The following QSER1 variants were observed in gnomAD, a reference collection of about 807,000 sequenced individuals.
QSER1 encodes the protein glutamine and serine rich 1.
QSER1 carries 49 observed loss-of-function variants against 158.5 expected under a neutral mutation model. The ratio of observed to expected loss-of-function variants is 0.31; its 90% CI spans 0.25 to 0.39. QSER1 has a LOEUF of 0.39. Among genes scored for constraint, QSER1 ranks in the 10% least tolerant of loss-of-function variants. QSER1 has a pLI of 1.00. For synonymous variants in QSER1, 650 were observed against 715.5 expected (o/e 0.91, Z 1.46); for missense variants, 1,754 against 2,010.3 (o/e 0.87, Z 2.44).
rs780002179 is a variant in QSER1 at position 32,957,923 on chromosome 11, A to C, written c.4806A>C (p.Ser1602=). Residue 1602 remains serine, a synonymous_variant, in exon 8 of 13, where the codon TCA becomes TCC. Coordinates refer to ENST00000650167, the MANE Select transcript of QSER1 (RefSeq NM_001076786.3). ...GTAAAACTTCTGATCCTCTAGCATCAAAAACTACAACTACAAAAGCCCCTT... is the reference window on the plus strand; with the variant it reads ...GTAAAACTTCTGATCCTCTAGCATCCAAAACTACAACTACAAAAGCCCCTT... ...SSSKTSDPLA[S]KTTTTKAPSV... 10 of 1,614,152 alleles carry C rather than the reference A, an allele frequency of 6.2e-6. No homozygotes were observed. The highest frequency in any genetic ancestry group is 7.6e-6 in the Non-Finnish European group (9 of 1,179,986).
chr11:32,897,441 C>A (rs1381900073), intron 1 of QSER1, among the ~76,000 whole-genome samples: 1 of 152,188 alleles, frequency 6.6e-6, no homozygotes, highest in Non-Finnish European at 1.5e-5. Flanking sequence ...TTTAAGTGTT[C>A]TTTGTCACCG....
rs1428216523 is a variant in QSER1, at chr11:32,976,475, C to T, written c.*1C>T. 6.2e-7 allele frequency: 1 copy of T among 1,609,084 alleles called. No homozygotes were observed. The highest frequency in any genetic ancestry group is 1.1e-5 in the South Asian group (1 of 89,864). On this transcript the variant is annotated 3_prime_UTR_variant, in exon 13 of 13. Transcript: ENST00000650167. ...TCATGTACAGCAGAAATGTTCCTGA[C>T]TTTTCCACAAAAATCCCATCTTTTT...
rs539617431 is a variant in QSER1, at chr11:32,907,382, A to AT, written c.209+14053dup. On this transcript the variant is annotated intron_variant, in intron 1 of 12. Coordinates refer to ENST00000650167, the MANE Select transcript of QSER1 (RefSeq NM_001076786.3). ...TTCAGATGTGAATTGTGATAAATGT[A>AT]TTTTTGGACAGATTTCCTTTATCTA... 2.3e-4 allele frequency among the ~76,000 whole-genome samples: 35 copies of AT among 152,360 alleles called. No homozygotes were observed. The South Asian group carries it at 6.8e-3, about 30-fold the overall frequency.
intron 7 of QSER1, among the ~76,000 whole-genome samples, chr11:32,957,124 C>CT (rs1247691228): frequency 5.7e-5 from 8 of 140,188 alleles, no homozygotes; most frequent in East Asian, 2.1e-4. Context: ...TCTTTTTTTT[C>CT]TTTTTTTTTC....
At chr11:32,911,875 T>TATTTATTTATTTATTTATTGTCA (rs1218189178) in intron 1 of QSER1, among the ~76,000 whole-genome samples, 1 of 152,222 alleles carries the variant, frequency 6.6e-6, no homozygotes, top group Non-Finnish European at 1.5e-5. Context: ...GTATTGTTAC[T>TATTTATTTATTTATTTATTGTCA]CATTTATTTC....
chr11:32,920,751 G>A (rs1056763471), intron 1 of QSER1, among the ~76,000 whole-genome samples: 23 of 152,190 alleles, frequency 1.5e-4, no homozygotes, highest in African/African-American at 5.3e-4. Flanking sequence ...GTAAGCACAT[G>A]CAGAGATGCT....
At chr11:32,913,582 C>A (rs796911941) in intron 1 of QSER1, among the ~76,000 whole-genome samples, 2 of 152,274 alleles carry the variant, frequency 1.3e-5, no homozygotes, top group African/African-American at 4.8e-5. Context: ...TCTTTTATTT[C>A]TCTAGTTCCT....
chr11:32,926,177 G>A (rs1851967707), intron 1 of QSER1: 1 of 150,958 alleles, frequency 6.6e-6, no homozygotes, highest in South Asian at 2.1e-4. Flanking sequence ...TAGGGGTTGG[G>A]TGAAGGCACT....
chr11:32,933,157 T>TC lies in QSER1; in HGVS notation c.1900dup (p.Gln634ProfsTer32). The TC allele has an allele frequency of 6.2e-7, 1 of 1,613,668 alleles. No individual in the cohort carries two copies. The highest frequency in any genetic ancestry group is 8.5e-7 in the Non-Finnish European group (1 of 1,179,850). Reference sequence around the variant, plus strand: ...TGCATTCTTCCCAAAATGTTCAGACTCAAGAGTCATCATCTCCCCAGTCCC... The same window carrying TC: ...TGCATTCTTCCCAAAATGTTCAGACTCCAAGAGTCATCATCTCCCCAGTCCC... On this transcript the variant is annotated frameshift_variant, in exon 4 of 13. Coordinates refer to ENST00000650167, the MANE Select transcript of QSER1 (RefSeq NM_001076786.3). LOFTEE classifies it high-confidence loss of function.
At chr11:32,909,029 A>G (rs936475989) in intron 1 of QSER1, among the ~76,000 whole-genome samples, 1 of 152,136 alleles carries the variant, frequency 6.6e-6, no homozygotes, top group Non-Finnish European at 1.5e-5. Context: ...GCGTGGTGGT[A>G]CACGCCTATG....
rs1333532240 is a variant in QSER1 at position 32,978,787 on chromosome 11, T to C, written c.*2313T>C. On this transcript the variant is annotated 3_prime_UTR_variant, in exon 13 of 13. Transcript: ENST00000650167. ...CTTCTCTCATTTGATCCATAGAGCA[T>C]AGGCAAAGATGTCAACCTCAGGCCT... 6.6e-6 allele frequency: 1 copy of C among 152,232 alleles called. No homozygotes were observed. Among genetic ancestry groups the C allele is most frequent in the Admixed American group, 6.6e-5 (1 of 15,264 alleles). The allele number at this position is 152,232 out of a possible 1,614,324, so 9.4% of individuals were successfully genotyped here.
chr11:32,935,082 A>C lies in QSER1; in HGVS notation c.3824A>C (p.Lys1275Thr), dbSNP rs1300203887. The change falls in exon 4 of 13, where the codon AAA becomes ACA. Residue 1275 changes from lysine (K) to threonine (T), a missense_variant. By Grantham distance (78) the Lys-to-Thr change is moderately conservative. This residue lies in a region of QSER1 where 1,707 missense variants were observed against 1,919.6 expected (regional missense o/e 0.89). Coordinates refer to ENST00000650167, the MANE Select transcript of QSER1 (RefSeq NM_001076786.3). The part of the protein sequence containing the change: ...KEVEEKQPEV[K>T]TGFIASFLDF... ...GTGGAGGAAAAACAACCAGAAGTCA[A>C]AACAGGATTTATTGCTTCTTTCTTA... is the stretch of plus-strand genomic sequence containing the variant. 1 of 1,613,982 alleles carries C rather than the reference A, an allele frequency of 6.2e-7. No individual in the cohort carries two copies. The highest frequency in any genetic ancestry group is 1.3e-5 in the African/African-American group (1 of 74,930).
chr11:32,958,108 T>G (rs1385297729), intron 8 of QSER1, 22 bp downstream of exon 8: 1 of 1,571,870 alleles, frequency 6.4e-7, no homozygotes, highest in African/African-American at 1.3e-5. Context: ...GTGAAATGGC[T>G]ACCCTGATAA....
At position 32,913,179 on chromosome 11, in the gene QSER1, C is replaced by CTTT. The variant is rs61685246; in HGVS notation, c.210-13951_210-13949dup. Among the ~76,000 whole-genome samples, 172 of 54,344 alleles carry CTTT rather than the reference C, an allele frequency of 3.2e-3. 37 individuals are homozygous for CTTT. The highest frequency in any genetic ancestry group is 0.01 in the African/African-American group (138 of 13,326). The allele number at this position is 54,344 out of a possible 152,430, so 35.7% of individuals were successfully genotyped here. A position where few individuals can be genotyped will look rare whatever the true frequency, so the allele number is the denominator to read the frequency against. On this transcript the variant is annotated intron_variant, in intron 1 of 12. Coordinates refer to ENST00000650167, the MANE Select transcript of QSER1 (RefSeq NM_001076786.3). ...TTTCCCTGGATAATTTCTCCTCTTC[C>CTTT]TTTTTTTTTTTTTTTTTTTTTTTTT...
Position 32,919,841 on chromosome 11 carries a change from G to A in QSER1, c.210-7316G>A, listed in dbSNP as rs1171566430. Reference sequence around the variant, plus strand: ...CATGGATATATATTTTATACTTCGGGTTACAAGCCAGTACTATTTTGTTGC... The same window carrying A: ...CATGGATATATATTTTATACTTCGGATTACAAGCCAGTACTATTTTGTTGC... On this transcript the variant is annotated intron_variant, in intron 1 of 12. Coordinates refer to ENST00000650167, the MANE Select transcript of QSER1 (RefSeq NM_001076786.3). 5.3e-5 allele frequency among the ~76,000 whole-genome samples: 8 copies of A among 152,250 alleles called. No individual in the cohort carries two copies. In the East Asian group the frequency reaches 1.5e-3, roughly 29 times the overall value.
At chr11:32,950,519 A>G (rs1852404973) in intron 4 of QSER1, among the ~76,000 whole-genome samples, 1 of 152,182 alleles carries the variant, frequency 6.6e-6, no homozygotes, top group Non-Finnish European at 1.5e-5. Flanking sequence ...AAGTTCCTCT[A>G]TCAGCTGTGG....
At chr11:32,903,312 A>T (rs1319058406) in intron 1 of QSER1, among the ~76,000 whole-genome samples, 2 of 151,276 alleles carry the variant, frequency 1.3e-5, no homozygotes, top group Admixed American at 1.3e-4. Context: ...GGGGCTTGGG[A>T]TACATGAGAG....
At position 32,933,659 on chromosome 11, in the gene QSER1, A is replaced by G. The variant is rs753206499; in HGVS notation, c.2401A>G (p.Asn801Asp). ...NLIQTPQIRL[N>D]TKDLKQQHPL... Reference sequence around the variant, plus strand: ...AATACAGACTCCACAAATAAGGTTGAATACTAAAGACTTAAAGCAGCAACA... The same window carrying G: ...AATACAGACTCCACAAATAAGGTTGGATACTAAAGACTTAAAGCAGCAACA... Residue 801 changes from asparagine to aspartate, a missense_variant, in exon 4 of 13, where the codon AAT becomes GAT. Coordinates refer to ENST00000650167, the MANE Select transcript of QSER1 (RefSeq NM_001076786.3). 6.2e-7 allele frequency: 1 copy of G among 1,613,496 alleles called. No homozygotes were observed. Among genetic ancestry groups the G allele is most frequent in the East Asian group, 2.2e-5 (1 of 44,892 alleles).
At chr11:32,918,466 TGAG>T (rs1851862945) in intron 1 of QSER1, among the ~76,000 whole-genome samples, 1 of 150,506 alleles carries the variant, frequency 6.6e-6, no homozygotes, top group African/African-American at 2.5e-5. Flanking sequence ...TAAGGGGAAA[TGAG>T]GAGTGAGTTT....
Sources: allele counts gnomAD v4.1 joint callset (sites outside exome capture counted in the v4.1 genomes callset), GRCh38; gene constraint gnomAD v4.1.1; regional missense constraint gnomAD v4.1.1; transcripts MANE v1.5; gene names NCBI Gene and HGNC (gene_info 2026-07-23, HGNC 2026-07-21).